The following ASPHD2 variants were observed in gnomAD, a reference collection of about 807,000 sequenced individuals.
ASPHD2 encodes the protein aspartate beta-hydroxylase domain-containing protein 2.
Under a neutral mutation model 34.6 loss-of-function variants are expected in ASPHD2, and 12 were observed. That is an observed-to-expected ratio of 0.35 (90% CI 0.22 to 0.56). The LOEUF (loss-of-function observed/expected upper bound fraction) is 0.56. ASPHD2 is among the 20% of genes least tolerant of loss of function. The pLI, the probability that ASPHD2 is intolerant of heterozygous loss-of-function variation, is 0.87. For missense variants in ASPHD2, 375 were observed against 505.0 expected (o/e 0.74, Z 2.47); for synonymous variants, 224 against 212.2 (o/e 1.06, Z -0.48).
intron 3 of ASPHD2, 25 bp downstream of exon 3, chr22:26,442,597 CT>C (rs1325286960): frequency 1.3e-5 from 19 of 1,512,918 alleles, no homozygotes; most frequent in South Asian, 3.6e-5. Context: ...TTCCCACTTC[CT>C]TTTTTTCAAT....
rs548647395 is a variant in ASPHD2, at chr22:26,439,914, G to C, written c.887-2545G>C. On this transcript the variant is annotated intron_variant, in intron 2 of 3. Coordinates refer to ENST00000215906, the MANE Select transcript of ASPHD2 (RefSeq NM_020437.5). ...CTGGAACCATTATTTCTGGTTCAAA[G>C]AATACATTAAAATACTCTGGCTGCT... Among the ~76,000 whole-genome samples, 5 of 152,282 alleles carry C rather than the reference G, an allele frequency of 3.3e-5. No homozygotes were observed. The East Asian group carries it at 9.6e-4, about 29-fold the overall frequency.
chr22:26,435,658 C>T (rs2105952), intron 2 of ASPHD2, among the ~76,000 whole-genome samples: 67,709 of 151,696 alleles, frequency 0.45, 15,667 homozygotes, highest in East Asian at 0.52. Flanking sequence ...CTCCTGCTGT[C>T]TGTGTGGGGG....
At chr22:26,432,692 ACCTC>A (rs1167037165) in intron 1 of ASPHD2, among the ~76,000 whole-genome samples, 1 of 151,834 alleles carries the variant, frequency 6.6e-6, no homozygotes, top group Non-Finnish European at 1.5e-5. Flanking sequence ...TTTTCATTCT[ACCTC>A]CCTCATTTTC....
At chr22:26,438,027 G>A (rs1295284593) in intron 2 of ASPHD2, among the ~76,000 whole-genome samples, 2 of 152,152 alleles carry the variant, frequency 1.3e-5, no homozygotes, top group Non-Finnish European at 2.9e-5. Context: ...GGGAGGCGGA[G>A]AACAAGAAGC....
At position 26,429,470 on chromosome 22, in the gene ASPHD2, C is replaced by T. The variant is rs1258994417; in HGVS notation, c.-241C>T. 2 of 149,868 alleles carry T rather than the reference C, an allele frequency of 1.3e-5. No individual in the cohort carries two copies. The highest frequency in any genetic ancestry group is 3.9e-4 in the East Asian group (2 of 5,142). 9.3% of individuals were successfully genotyped at this position (149,868 alleles called of 1,614,324 possible). A position where few individuals can be genotyped will look rare whatever the true frequency, so the allele number is the denominator to read the frequency against. On this transcript the variant is annotated 5_prime_UTR_variant, in exon 1 of 4. Transcript: ENST00000215906. The surrounding 1 kb of genome is among the most constrained non-coding windows in gnomAD (Gnocchi z 4.5). ...CGTCTCCTGGGTCCCGGCAGCCGTC[C>T]GCGCGCCCGGGCGCAGGTAAGCTTC...
intron 2 of ASPHD2, among the ~76,000 whole-genome samples, chr22:26,438,352 T>A (rs2084805651): frequency 6.6e-6 from 1 of 151,892 alleles, no homozygotes; most frequent in South Asian, 2.1e-4. Context: ...TTTAATGAAA[T>A]GTACTATTGA....
chr22:26,438,644 TACACATAC>T (rs754821781), intron 2 of ASPHD2, among the ~76,000 whole-genome samples: 16,126 of 93,572 alleles, frequency 0.17, 2,003 homozygotes, highest in African/African-American at 0.23. Flanking sequence ...CATATATATA[TACACATAC>T]ATATATATAT....
intron 2 of ASPHD2, among the ~76,000 whole-genome samples, chr22:26,438,251 A>G (rs1453520691): frequency 2.0e-5 from 3 of 152,106 alleles, no homozygotes; most frequent in African/African-American, 7.2e-5. Context: ...GAGTCCCTCC[A>G]TCTGGGCGTC....
At chr22:26,432,828 C>A (rs759076137) in intron 1 of ASPHD2, among the ~76,000 whole-genome samples, 2 of 152,200 alleles carry the variant, frequency 1.3e-5, no homozygotes, top group African/African-American at 4.8e-5. Flanking sequence ...ATTAGCCCAA[C>A]CTCTGTCAGA....
chr22:26,440,476 C>T (rs1024332173), intron 2 of ASPHD2, among the ~76,000 whole-genome samples: 3 of 151,878 alleles, frequency 2.0e-5, no homozygotes, highest in Non-Finnish European at 2.9e-5. Flanking sequence ...GGATTACAGG[C>T]GTCTGCCACC....
intron 1 of ASPHD2, among the ~76,000 whole-genome samples, chr22:26,432,825 C>G (rs1181227427): frequency 1.3e-5 from 2 of 152,172 alleles, no homozygotes; most frequent in Non-Finnish European, 2.9e-5. Context: ...GGTATTAGCC[C>G]AACCTCTGTC....
chr22:26,434,254 C>G lies in ASPHD2; in HGVS notation c.639C>G (p.Ser213Arg). Residue 213 changes from serine to arginine, a missense_variant, in exon 2 of 4, where the codon AGC becomes AGG. Around this residue, in one of 3 missense-constraint regions of ASPHD2, gnomAD observed 142 missense variants for 217.9 expected, o/e 0.65. Transcript: ENST00000215906. ...TCTACAAAGCTTTCTCAAACTGCAG[C>G]CTCCCGCAAGGATGGAAAATGAACA... ...ETLYKAFSNC[S>R]LPQGWKMNST... is the part of the protein sequence containing the mutation. The G allele has an allele frequency of 1.2e-6, 2 of 1,614,204 alleles. No individual in the cohort carries two copies. Among genetic ancestry groups the G allele is most frequent in the Non-Finnish European group, 1.7e-6 (2 of 1,180,042 alleles).
Position 26,443,209 on chromosome 22 carries a change from G to GTAT in ASPHD2, c.*5_*7dup. 1.9e-6 allele frequency: 3 copies of GTAT among 1,613,554 alleles called. No individual in the cohort carries two copies. The highest frequency in any genetic ancestry group is 2.5e-6 in the Non-Finnish European group (3 of 1,179,452). Reference sequence around the variant, plus strand: ...TCATCTTTGCTCCGGGACGATGAGAGTATTTCCCATGCTGGAGTCGGCGAG... The same window carrying GTAT: ...TCATCTTTGCTCCGGGACGATGAGAGTATTATTTCCCATGCTGGAGTCGGCGAG... On this transcript the variant is annotated 3_prime_UTR_variant, in exon 4 of 4. Coordinates refer to ENST00000215906, the MANE Select transcript of ASPHD2 (RefSeq NM_020437.5).
chr22:26,436,231 C>T (rs1399571704), intron 2 of ASPHD2, among the ~76,000 whole-genome samples: 1 of 152,240 alleles, frequency 6.6e-6, no homozygotes, highest in Non-Finnish European at 1.5e-5. Flanking sequence ...TCCGTTTTAT[C>T]TTCTCTAAAA....
At chr22:26,439,205 C>T (rs2084820372) in intron 2 of ASPHD2, among the ~76,000 whole-genome samples, 1 of 152,100 alleles carries the variant, frequency 6.6e-6, no homozygotes, top group African/African-American at 2.4e-5. Context: ...TCGAGACCAG[C>T]CTGGCCAACA....
In ASPHD2 at chr22:26,433,026, A is replaced by G. The variant is rs2084766904; in HGVS notation, c.-224-366A>G. ...ATACCTATGATGAAATAGCACAGCA[A>G]AATGGGTAGACATGGGCCTTGAAGT... On this transcript the variant is annotated intron_variant, in intron 1 of 3. Coordinates refer to ENST00000215906, the MANE Select transcript of ASPHD2 (RefSeq NM_020437.5). This position sits in a 1 kb window ranked among gnomAD's most constrained non-coding sequence, Gnocchi z 5.1. Among the ~76,000 whole-genome samples the G allele has an allele frequency of 6.6e-6, 1 of 152,250 alleles. No individual in the cohort carries two copies. The highest frequency in any genetic ancestry group is 2.4e-5 in the African/African-American group (1 of 41,462).
chr22:26,433,540 C>T lies in ASPHD2; in HGVS notation c.-76C>T. 1 of 1,115,422 alleles carries T rather than the reference C, an allele frequency of 9.0e-7. No individual in the cohort carries two copies. Among genetic ancestry groups the T allele is most frequent in the African/African-American group, 1.6e-5 (1 of 63,978 alleles). 69.1% of individuals were successfully genotyped at this position (1,115,422 alleles called of 1,614,324 possible). A position where few individuals can be genotyped will look rare whatever the true frequency, so the allele number is the denominator to read the frequency against. ...ACCTTGTCGTTCATCAATGCCGCCC[C>T]TGGCAGTATCTGAGGATCGGTGGCA... On this transcript the variant is annotated 5_prime_UTR_variant, in exon 2 of 4. Coordinates refer to ENST00000215906, the MANE Select transcript of ASPHD2 (RefSeq NM_020437.5). This position sits in a 1 kb window ranked among gnomAD's most constrained non-coding sequence, Gnocchi z 5.1.
chr22:26,438,732 A>C (rs988238398), intron 2 of ASPHD2, among the ~76,000 whole-genome samples: 1 of 151,672 alleles, frequency 6.6e-6, no homozygotes, highest in Non-Finnish European at 1.5e-5. Flanking sequence ...GTATTAACCC[A>C]CATGATCACA....
chr22:26,439,398 C>A lies in ASPHD2; in HGVS notation c.887-3061C>A, dbSNP rs547645220. Among the ~76,000 whole-genome samples the A allele has an allele frequency of 1.3e-3, 191 of 151,542 alleles. 2 individuals are homozygous for A. Among genetic ancestry groups the A allele is most frequent in the Middle Eastern group, 3.4e-3 (1 of 294 alleles). On this transcript the variant is annotated intron_variant, in intron 2 of 3. Coordinates refer to ENST00000215906, the MANE Select transcript of ASPHD2 (RefSeq NM_020437.5). ...TGGGCGACAGAGCACGATTCTGTCT[C>A]AAAAAAAATAATAATAAATAAAGAA...
Sources: gnomAD v4.1 joint callset for allele counts (sites outside exome capture counted in the v4.1 genomes callset) on GRCh38, gnomAD v4.1.1 for gene constraint, gnomAD v4.1.1 regional missense constraint, Gnocchi (gnomAD v3.1) non-coding constraint, MANE v1.5 for transcripts, NCBI Gene and HGNC (gene_info 2026-07-23, HGNC 2026-07-21) for gene names.